Variants in ITGA5 observed in about 807,000 individuals in gnomAD.
ITGA5 encodes the protein integrin subunit alpha 5, also known as integrin alpha-5.
Under a neutral mutation model 146.3 loss-of-function variants are expected in ITGA5, and 55 were observed. The ratio of observed to expected loss-of-function variants is 0.38; its 90% CI spans 0.30 to 0.47. ITGA5 has a LOEUF of 0.47. ITGA5 is among the 20% of genes least tolerant of loss of function. The pLI, the probability that ITGA5 is intolerant of heterozygous loss-of-function variation, is 0.99. For missense variants in ITGA5, 1,131 were observed against 1,329.0 expected, an observed-to-expected ratio of 0.85 and a Z score of 2.32; for synonymous variants, 500 against 531.8, an observed-to-expected ratio of 0.94 and a Z score of 0.82.
At chr12:54,398,832 T>TCA in intron 27 of ITGA5, 134 bp from the exon 28 acceptor site, 1 of 383,044 alleles carries the variant, frequency 2.6e-6, no homozygotes, top group Non-Finnish European at 4.6e-6. Flanking sequence ...TCTCTCTCTC[T>TCA]CTCTTTTTTT....
In ITGA5 at chr12:54,408,701, C is replaced by T. The variant is rs943150220; in HGVS notation, c.691+55G>A. On this transcript the variant is annotated intron_variant, in intron 6 of 29. Coordinates refer to ENST00000293379, the MANE Select transcript of ITGA5 (RefSeq NM_002205.5). ...CTCCAGCCTGGGTGACAGAGTGAGA[C>T]TTCGTCTCAAAAAAAAAAAAAAAAA... is the stretch of plus-strand genomic sequence containing the variant. 6 of 1,437,718 alleles carry T rather than the reference C, an allele frequency of 4.2e-6. No individual in the cohort carries two copies. The African/African-American group carries it at 5.0e-5, about 12-fold the overall frequency. The allele number at this position is 1,437,718 out of a possible 1,614,324, so 89.1% of individuals were successfully genotyped here.
chr12:54,418,020 C>T (rs935538734), intron 1 of ITGA5, among the ~76,000 whole-genome samples: 1 of 152,158 alleles, frequency 6.6e-6, no homozygotes, highest in Non-Finnish European at 1.5e-5. Flanking sequence ...TAAGGATCCT[C>T]CTTTGAGATT....
intron 7 of ITGA5, 47 bp from the exon 8 acceptor site, chr12:54,407,923 C>T: frequency 6.4e-7 from 1 of 1,551,428 alleles, no homozygotes; most frequent in African/African-American, 1.4e-5. Context: ...TTTGAGGACC[C>T]CTCTGCTCTG....
chr12:54,399,255 A>T (rs960645070), intron 27 of ITGA5, among the ~76,000 whole-genome samples: 4 of 152,206 alleles, frequency 2.6e-5, no homozygotes, highest in South Asian at 2.1e-4. Flanking sequence ...AAATTTTTTT[A>T]AAATTATTAA....
Position 54,409,609 on chromosome 12 carries a change from G to A in ITGA5, c.350-12C>T, listed in dbSNP as rs1955915439. 1.9e-6 allele frequency: 3 copies of A among 1,565,788 alleles called. No individual in the cohort carries two copies. Among genetic ancestry groups the A allele is most frequent in the South Asian group, 2.2e-5 (2 of 89,956 alleles). On this transcript the variant is annotated splice_polypyrimidine_tract_variant and intron_variant, in intron 2 of 29. Coordinates refer to ENST00000293379, the MANE Select transcript of ITGA5 (RefSeq NM_002205.5). This position sits in a 1 kb window ranked among gnomAD's most constrained non-coding sequence, Gnocchi z 4.7. ...CAGGAGCCGAGAGCCTTGTGGAAGT[G>A]AGAAGGGGGAGTCTTACTGAGCCAT...
chr12:54,405,581 C>T (rs1339217098), intron 11 of ITGA5, 83 bp downstream of exon 11: 1 of 1,299,552 alleles, frequency 7.7e-7, no homozygotes, highest in Non-Finnish European at 1.1e-6. Context: ...TGGAGAAACT[C>T]TCCTTGCATT....
rs563176093 is a variant in ITGA5 at position 54,401,950 on chromosome 12, G to C, written c.2226+51C>G. ...CTGTGCTCTCGGCTGGCTGGTTACC[G>C]CCCTCAGGTCTGCTCTCCCTCTGTC... is the stretch of plus-strand genomic sequence containing the variant. On this transcript the variant is annotated intron_variant, in intron 21 of 29. Transcript: ENST00000293379. This position sits in a 1 kb window ranked among gnomAD's most constrained non-coding sequence, Gnocchi z 5.0. 2.3e-5 allele frequency: 37 copies of C among 1,600,266 alleles called. 1 individual carries two copies. In the Admixed American group the frequency reaches 5.5e-4, roughly 24 times the overall value.
In ITGA5 at chr12:54,403,923, C is replaced by G. The variant is rs1274589915; in HGVS notation, c.1609G>C (p.Ala537Pro). ...FCLNASGKHV[A>P]DSIGFTVELQ... ...CAGTCTCCCTCACCAATGGAGTCAG[C>G]AACGTGTTTTCCAGAAGCATTGAGG... is the stretch of plus-strand genomic sequence containing the variant. Residue 537 changes from alanine (A) to proline (P), a missense_variant, in exon 16 of 30, where the codon GCT becomes CCT. By Grantham distance (27) the Ala-to-Pro change is conservative. Coordinates refer to ENST00000293379, the MANE Select transcript of ITGA5 (RefSeq NM_002205.5). This position sits in a 1 kb window ranked among gnomAD's most constrained non-coding sequence, Gnocchi z 4.9. 2 of 1,614,206 alleles carry G rather than the reference C, an allele frequency of 1.2e-6. No individual in the cohort carries two copies. The highest frequency in any genetic ancestry group is 1.7e-6 in the Non-Finnish European group (2 of 1,180,040).
rs138599404 is a variant in ITGA5 at position 54,416,195 on chromosome 12, G to A, written c.218+2786C>T. 0.022 allele frequency among the ~76,000 whole-genome samples: 3,422 copies of A among 152,236 alleles called. 90 individuals are homozygous for A. The highest frequency in any genetic ancestry group is 0.088 in the South Asian group (422 of 4,822). ...AGGGATTCTCCTGCCTCAGTTTCCC[G>A]AGTAGCTGGGATTACAGGTGCGTGC... On this transcript the variant is annotated intron_variant, in intron 1 of 29. Coordinates refer to ENST00000293379, the MANE Select transcript of ITGA5 (RefSeq NM_002205.5). This position sits in a 1 kb window ranked among gnomAD's most constrained non-coding sequence, Gnocchi z 4.1.
At position 54,409,203 on chromosome 12, in the gene ITGA5, A is replaced by T; in HGVS notation, c.583+29T>A. ...ACTTCAAGTATATGAGAAGGCAGAC[A>T]TGGGGCACAGGCCCCCTCTTGCCCC... On this transcript the variant is annotated intron_variant, in intron 4 of 29. Transcript: ENST00000293379. This position sits in a 1 kb window ranked among gnomAD's most constrained non-coding sequence, Gnocchi z 4.7. The T allele has an allele frequency of 6.3e-7, 1 of 1,593,508 alleles. No individual in the cohort carries two copies. Among genetic ancestry groups the T allele is most frequent in the Non-Finnish European group, 8.5e-7 (1 of 1,171,954 alleles).
chr12:54,409,713 G>C lies in ITGA5; in HGVS notation c.350-116C>G, dbSNP rs1955916977. The C allele has an allele frequency of 3.1e-6, 2 of 636,252 alleles. No homozygotes were observed. Among genetic ancestry groups the C allele is most frequent in the Non-Finnish European group, 5.5e-6 (2 of 364,084 alleles). 39.4% of individuals were successfully genotyped at this position (636,252 alleles called of 1,614,324 possible). A position where few individuals can be genotyped will look rare whatever the true frequency, so the allele number is the denominator to read the frequency against. On this transcript the variant is annotated intron_variant, in intron 2 of 29. Transcript: ENST00000293379. This position sits in a 1 kb window ranked among gnomAD's most constrained non-coding sequence, Gnocchi z 4.7. Reference sequence around the variant, plus strand: ...ACGCTTCCAAGCCCTGAGACTCCATGACTCGCTGGGAGTGTGGAATTGGTA... The same window carrying C: ...ACGCTTCCAAGCCCTGAGACTCCATCACTCGCTGGGAGTGTGGAATTGGTA...
In ITGA5 at chr12:54,403,176, C is replaced by T. The variant is rs369073053; in HGVS notation, c.1914+11G>A. 12 of 1,565,600 alleles carry T rather than the reference C, an allele frequency of 7.7e-6. No individual in the cohort carries two copies. The African/African-American group carries it at 1.6e-4, about 21-fold the overall frequency. ...GTCTTCCCAGGTCCCTTCTCCCTGCCCTGTCCTCACCTTGTCCTCTATCCG... is the reference window on the plus strand; with the variant it reads ...GTCTTCCCAGGTCCCTTCTCCCTGCTCTGTCCTCACCTTGTCCTCTATCCG... On this transcript the variant is annotated intron_variant, in intron 18 of 29. Transcript: ENST00000293379. This position sits in a 1 kb window ranked among gnomAD's most constrained non-coding sequence, Gnocchi z 4.9.
chr12:54,397,383 G>A lies in ITGA5; in HGVS notation c.3048C>T (p.Leu1016=), dbSNP rs1362076470. 31 of 1,614,068 alleles carry A rather than the reference G, an allele frequency of 1.9e-5. No individual in the cohort carries two copies. The highest frequency in any genetic ancestry group is 2.6e-5 in the Non-Finnish European group (31 of 1,179,982). Residue 1016 remains leucine (L), a synonymous_variant, in exon 29 of 30, where the codon CTC becomes CTT. Transcript: ENST00000293379. ...GGCTGACCTTGTAGAGGATGTAGAT[G>A]AGTAGACCTAGGAGCAGGAGGCCAA... ...ILFGLLLLGL[L]IYILYKLGFF... is the part of the protein sequence containing the mutation.
chr12:54,406,172 C>T (rs1486934334), intron 9 of ITGA5: 4 of 573,304 alleles, frequency 7.0e-6, no homozygotes, highest in Middle Eastern at 4.6e-4. Flanking sequence ...TTTATCTGTT[C>T]GTTGTCCCTC....
At position 54,401,441 on chromosome 12, in the gene ITGA5, C is replaced by T. The variant is rs781001104; in HGVS notation, c.2425G>A (p.Asp809Asn). ...TGAGGCTGGTCTCGGGGATGCCAGT[C>T]GCTTACTGGGAATAGCACTGCCTCA... ...KPEAVLFPVS[D>N]WHPRDQPQKE... The change falls in exon 24 of 30, where the codon GAC becomes AAC. Residue 809 changes from aspartate (D) to asparagine (N), a missense_variant. By Grantham distance (23) the Asp-to-Asn change is conservative (BLOSUM62 1). This residue lies in a region of ITGA5 where 889 missense variants were observed against 1,021.5 expected (regional missense o/e 0.87). Coordinates refer to ENST00000293379, the MANE Select transcript of ITGA5 (RefSeq NM_002205.5). This position sits in a 1 kb window ranked among gnomAD's most constrained non-coding sequence, Gnocchi z 5.0. 23 of 1,613,988 alleles carry T rather than the reference C, an allele frequency of 1.4e-5. No homozygotes were observed. Among genetic ancestry groups the T allele is most frequent in the South Asian group, 5.5e-5 (5 of 91,076 alleles).
In ITGA5 at chr12:54,403,753, A is replaced by G; in HGVS notation, c.1648T>C (p.Trp550Arg). The change falls in exon 17 of 30, where the codon TGG (tryptophan) becomes CGG (arginine). Residue 550 changes from tryptophan to arginine, a missense_variant. Coordinates refer to ENST00000293379, the MANE Select transcript of ITGA5 (RefSeq NM_002205.5). This position sits in a 1 kb window ranked among gnomAD's most constrained non-coding sequence, Gnocchi z 4.9. ...IGFTVELQLDWQKQKGGVRRA... is the reference protein window; with the variant it reads ...IGFTVELQLDRQKQKGGVRRA... ...CGTACCCCTCCCTTCTGCTTCTGCCAGTCCAGCTGAAGTTCCACTGTGAAA... is the reference window on the plus strand; with the variant it reads ...CGTACCCCTCCCTTCTGCTTCTGCCGGTCCAGCTGAAGTTCCACTGTGAAA... The G allele has an allele frequency of 1.2e-6, 2 of 1,614,180 alleles. No individual in the cohort carries two copies. Among genetic ancestry groups the G allele is most frequent in the Non-Finnish European group, 1.7e-6 (2 of 1,179,996 alleles).
At chr12:54,414,963 A>C (rs1441917286) in intron 1 of ITGA5, among the ~76,000 whole-genome samples, 1 of 151,970 alleles carries the variant, frequency 6.6e-6, no homozygotes. Context: ...AGCTTGACCA[A>C]CATGGCGAAA....
chr12:54,395,944 T>C lies in ITGA5; in HGVS notation c.*349A>G, dbSNP rs1049281292. ...GGACAGGAAGTCCTTGTGGCATGTC[T>C]GGCCCAAAGAACTGTGAATGGATTT... On this transcript the variant is annotated 3_prime_UTR_variant, in exon 30 of 30. Transcript: ENST00000293379. The C allele has an allele frequency of 3.1e-4, 68 of 216,920 alleles. No individual in the cohort carries two copies. Among genetic ancestry groups the C allele is most frequent in the South Asian group, 2.0e-3 (30 of 14,662 alleles). 13.4% of individuals were successfully genotyped at this position (216,920 alleles called of 1,614,324 possible).
intron 13 of ITGA5, 90 bp downstream of exon 13, chr12:54,404,613 C>A (rs1047666108): frequency 3.4e-6 from 5 of 1,491,896 alleles, no homozygotes; most frequent in Non-Finnish European, 4.7e-6. Flanking sequence ...CAGAACTGCA[C>A]CCAGGAACTT....
Sources: gnomAD v4.1 joint callset for allele counts (sites outside exome capture counted in the v4.1 genomes callset) on GRCh38, gnomAD v4.1.1 for gene constraint, gnomAD v4.1.1 regional missense constraint, Gnocchi (gnomAD v3.1) non-coding constraint, MANE v1.5 for transcripts, NCBI Gene and HGNC (gene_info 2026-07-23, HGNC 2026-07-21) for gene names.